Variants in FSTL5 observed in about 807,000 individuals in gnomAD.
The protein encoded by FSTL5 is follistatin-related protein 5.
FSTL5 carries 62 observed loss-of-function variants against 89.1 expected under a neutral mutation model. That is an observed-to-expected ratio of 0.70 (90% CI 0.57 to 0.86). The LOEUF is 0.86. Among genes scored for constraint, FSTL5 ranks in the 40% least tolerant of loss-of-function variants. The pLI is 0.00. For synonymous variants in FSTL5, 383 were observed against 346.2 expected (o/e 1.11, Z -1.18); for missense variants, 1,057 against 1,001.6 (o/e 1.06, Z -0.75).
intron 4 of FSTL5, among the ~76,000 whole-genome samples, chr4:161,829,471 T>G (rs901041864): frequency 6.6e-6 from 1 of 151,970 alleles, no homozygotes; most frequent in Non-Finnish European, 1.5e-5. Flanking sequence ...CATATCATAT[T>G]ATAATTAATG....
intron 13 of FSTL5, among the ~76,000 whole-genome samples, chr4:161,471,901 C>T (rs57471001): frequency 0.2 from 30,468 of 151,742 alleles, 3,950 homozygotes; most frequent in Non-Finnish European, 0.29. Context: ...GTAATGGCCC[C>T]GCATTCATTT....
intron 8 of FSTL5, among the ~76,000 whole-genome samples, chr4:161,551,651 G>T: frequency 6.6e-6 from 1 of 152,008 alleles, no homozygotes; most frequent in South Asian, 2.1e-4. Flanking sequence ...TAGATCCATG[G>T]AACAGAACAG....
chr4:161,459,750 T>C (rs767361570), intron 13 of FSTL5, among the ~76,000 whole-genome samples: 2 of 152,010 alleles, frequency 1.3e-5, no homozygotes, highest in Non-Finnish European at 2.9e-5. Context: ...AGATTTATTT[T>C]ATCCCAATTC....
chr4:162,070,231 G>A (rs1208852747), intron 2 of FSTL5, among the ~76,000 whole-genome samples: 3 of 151,748 alleles, frequency 2.0e-5, no homozygotes, highest in Non-Finnish European at 4.4e-5. Context: ...TCTGTTAGAT[G>A]TTGCATTGAG....
At chr4:162,020,475 T>A (rs563598651) in intron 3 of FSTL5, among the ~76,000 whole-genome samples, 1 of 152,108 alleles carries the variant, frequency 6.6e-6, no homozygotes. Context: ...ACTATGAAAT[T>A]AAAACTGCTT....
At chr4:161,694,923 C>G (rs936293091) in intron 6 of FSTL5, among the ~76,000 whole-genome samples, 1 of 145,346 alleles carries the variant, frequency 6.9e-6, no homozygotes, top group African/African-American at 2.5e-5. Flanking sequence ...AATTATCACT[C>G]CAGTCAACGG....
At chr4:161,509,883 C>G (rs1329468972) in intron 11 of FSTL5, among the ~76,000 whole-genome samples, 1 of 152,134 alleles carries the variant, frequency 6.6e-6, no homozygotes, top group Non-Finnish European at 1.5e-5. Context: ...AACTAAAGAA[C>G]TGATAACAAC....
intron 2 of FSTL5, among the ~76,000 whole-genome samples, chr4:162,047,071 C>G (rs937872006): frequency 1.3e-5 from 2 of 151,990 alleles, no homozygotes; most frequent in African/African-American, 4.8e-5. Context: ...AATACAAAGA[C>G]TTATTTCCAG....
At chr4:161,515,584 A>C (rs1341902355) in intron 10 of FSTL5, among the ~76,000 whole-genome samples, 1 of 150,260 alleles carries the variant, frequency 6.7e-6, no homozygotes, top group East Asian at 1.9e-4. Context: ...ATAAATATAT[A>C]ATATATAAAT....
rs559924468 is a variant in FSTL5 at position 161,562,953 on chromosome 4, T to C, written c.1016-20260A>G. Among the ~76,000 whole-genome samples, 9 of 152,154 alleles carry C rather than the reference T, an allele frequency of 5.9e-5. No homozygotes were observed. In the South Asian group the frequency reaches 1.7e-3, roughly 28 times the overall value. On this transcript the variant is annotated intron_variant, in intron 8 of 15. Transcript: ENST00000306100. ...CTTAGCATAATGTCCTCCAGGTTCA[T>C]ACATGTTGTAGCATATTGCATAATG...
chr4:161,674,340 G>T (rs1737225304), intron 6 of FSTL5, among the ~76,000 whole-genome samples: 1 of 152,018 alleles, frequency 6.6e-6, no homozygotes, highest in South Asian at 2.1e-4. Context: ...AAAAAGGGAA[G>T]ATTTGATACA....
At chr4:161,396,768 C>T (rs905260612) in intron 15 of FSTL5, among the ~76,000 whole-genome samples, 2 of 149,222 alleles carry the variant, frequency 1.3e-5, no homozygotes, top group Non-Finnish European at 3.0e-5. Flanking sequence ...AGCCCAAAAG[C>T]TATACCCATT....
intron 7 of FSTL5, among the ~76,000 whole-genome samples, chr4:161,617,556 T>C (rs1361646736): frequency 6.6e-6 from 1 of 152,010 alleles, no homozygotes; most frequent in Non-Finnish European, 1.5e-5. Context: ...AAGAAAATCA[T>C]ACCTAGGCAA....
chr4:162,076,944 G>A (rs963932212), intron 2 of FSTL5, among the ~76,000 whole-genome samples: 7 of 151,718 alleles, frequency 4.6e-5, no homozygotes, highest in African/African-American at 1.7e-4. Flanking sequence ...GGAAACATGA[G>A]TTTCTGAAAA....
intron 7 of FSTL5, among the ~76,000 whole-genome samples, chr4:161,607,633 G>A (rs1245534504): frequency 2.0e-5 from 3 of 152,058 alleles, no homozygotes; most frequent in African/African-American, 7.2e-5. Context: ...GATATCCTAT[G>A]GGAATGGATA....
intron 7 of FSTL5, among the ~76,000 whole-genome samples, chr4:161,614,157 T>C (rs182120818): frequency 1.8e-3 from 279 of 152,302 alleles, no homozygotes; most frequent in African/African-American, 6.6e-3. Flanking sequence ...CTGTCATATT[T>C]TGAAACTCTA....
chr4:162,021,724 A>G lies in FSTL5; in HGVS notation c.160+11901T>C, dbSNP rs372434564. ...GCAGCATGTTCTCACTTAAAGTGGGAGCTAAATAATGGACATAGAGTGTGA... is the reference window on the plus strand; with the variant it reads ...GCAGCATGTTCTCACTTAAAGTGGGGGCTAAATAATGGACATAGAGTGTGA... On this transcript the variant is annotated intron_variant, in intron 3 of 15. Transcript: ENST00000306100. 7.9e-5 allele frequency among the ~76,000 whole-genome samples: 12 copies of G among 152,228 alleles called. 1 individual carries two copies. The East Asian group carries it at 2.3e-3, about 29-fold the overall frequency.
At chr4:161,721,194 C>T (rs924966844) in intron 6 of FSTL5, among the ~76,000 whole-genome samples, 6 of 145,398 alleles carry the variant, frequency 4.1e-5, no homozygotes, top group African/African-American at 7.5e-5. Flanking sequence ...AGGAGAATGG[C>T]GTGAACCCGG....
chr4:161,731,171 T>C (rs1212733831), intron 6 of FSTL5, among the ~76,000 whole-genome samples: 1 of 152,180 alleles, frequency 6.6e-6, no homozygotes, highest in South Asian at 2.1e-4. Context: ...TGAATCTTGG[T>C]GTGTATACAT....
Sources: allele counts gnomAD v4.1 joint callset (sites outside exome capture counted in the v4.1 genomes callset), GRCh38; gene constraint gnomAD v4.1.1; transcripts MANE v1.5; gene names NCBI Gene and HGNC (gene_info 2026-07-23, HGNC 2026-07-21).